PACRG: variants seen among roughly 807,000 people sequenced by gnomAD.
PACRG encodes the protein parkin coregulated.
In PACRG, 29 loss-of-function variants were observed where a neutral mutation model predicts 29.7. That is an observed-to-expected ratio of 0.98 (90% confidence interval 0.73 to 1.33). The LOEUF (loss-of-function observed/expected upper bound fraction) is 1.33. Among genes scored for constraint, PACRG ranks in the 40% most tolerant of loss-of-function variants. The pLI is 0.00. For missense variants in PACRG, 279 were observed against 316.2 expected, an observed-to-expected ratio of 0.88 and a Z score of 0.89; for synonymous variants, 116 against 118.7, an observed-to-expected ratio of 0.98 and a Z score of 0.15.
At chr6:162,931,830 A>G (rs965101333) in intron 2 of PACRG, among the ~76,000 whole-genome samples, 1 of 152,030 alleles carries the variant, frequency 6.6e-6, no homozygotes, top group Non-Finnish European at 1.5e-5. Context: ...TGGTACAACC[A>G]ATTTAGAGAA....
intron 4 of PACRG, among the ~76,000 whole-genome samples, chr6:163,184,450 T>A (rs535303301): frequency 6.6e-6 from 1 of 152,334 alleles, no homozygotes; most frequent in South Asian, 2.1e-4. Context: ...ATTTTCAGTG[T>A]CCAATTGGAA....
chr6:163,248,336 C>G (rs1320364362), intron 4 of PACRG, among the ~76,000 whole-genome samples: 1 of 150,900 alleles, frequency 6.6e-6, no homozygotes, highest in East Asian at 2.0e-4. Context: ...GATGACCATC[C>G]TTTACTGAAA....
chr6:163,102,702 TACCAACTAGATTTGCGAGTCC>T (rs151255546), intron 4 of PACRG, among the ~76,000 whole-genome samples: 5,839 of 152,316 alleles, frequency 0.038, 387 homozygotes, highest in African/African-American at 0.13. Flanking sequence ...TGAAGCTACC[TACCAACTAGATTTGCGAGTCC>T]ACCCAAATGT....
chr6:162,850,110 G>T (rs1316125654), intron 2 of PACRG, among the ~76,000 whole-genome samples: 1 of 152,134 alleles, frequency 6.6e-6, no homozygotes, highest in Non-Finnish European at 1.5e-5. Flanking sequence ...TTTTATTTGG[G>T]AATTTTACAG....
chr6:163,016,118 G>A (rs368509757), intron 2 of PACRG: 4 of 152,276 alleles, frequency 2.6e-5, no homozygotes, highest in African/African-American at 9.6e-5. Flanking sequence ...GAGACAAGAC[G>A]AGGTGTTCTC....
Position 162,832,243 on chromosome 6 carries a change from T to A in PACRG, c.291+17962T>A, listed in dbSNP as rs190569490. Among the ~76,000 whole-genome samples, 32 of 152,370 alleles carry A rather than the reference T, an allele frequency of 2.1e-4. No homozygotes were observed. In the East Asian group the frequency reaches 6.0e-3, roughly 28 times the overall value. On this transcript the variant is annotated intron_variant, in intron 2 of 4. Transcript: ENST00000366888. The stretch of plus-strand genomic sequence containing the variant: ...TATCTCATTGTGGTTTTGATTTGCA[T>A]TTCTCTAATGATCGTGATGATGATG...
At chr6:163,164,816 G>A (rs1324192818) in intron 4 of PACRG, among the ~76,000 whole-genome samples, 2 of 152,186 alleles carry the variant, frequency 1.3e-5, no homozygotes, top group South Asian at 4.1e-4. Flanking sequence ...TAGCTGAGTG[G>A]CCTTAGGCAA....
intron 4 of PACRG, among the ~76,000 whole-genome samples, chr6:163,115,671 G>A (rs1434592590): frequency 6.6e-6 from 1 of 152,158 alleles, no homozygotes; most frequent in African/African-American, 2.4e-5. Context: ...ATTGCAATGT[G>A]AAGTCAGCAT....
At chr6:162,900,468 T>C (rs1795483010) in intron 2 of PACRG, among the ~76,000 whole-genome samples, 1 of 152,194 alleles carries the variant, frequency 6.6e-6, no homozygotes, top group Admixed American at 6.5e-5. Context: ...GGTCTATGGA[T>C]ACTTCAGATA....
intron 4 of PACRG, among the ~76,000 whole-genome samples, chr6:163,143,364 G>A (rs73593788): frequency 0.015 from 2,226 of 152,254 alleles, 36 homozygotes; most frequent in African/African-American, 0.05. Context: ...GGTTTCCAAC[G>A]CATAAGTAGA....
intron 2 of PACRG, among the ~76,000 whole-genome samples, chr6:162,875,842 A>C (rs1048092451): frequency 6.6e-6 from 1 of 152,176 alleles, no homozygotes; most frequent in Non-Finnish European, 1.5e-5. Context: ...TTCCTCCAGT[A>C]TGATCTTCTA....
At chr6:162,801,465 G>T (rs1785866032) in intron 1 of PACRG, among the ~76,000 whole-genome samples, 2 of 150,080 alleles carry the variant, frequency 1.3e-5, no homozygotes, top group Non-Finnish European at 2.9e-5. Flanking sequence ...TCATAGCACC[G>T]ATTAGAAAAA....
chr6:163,166,410 G>T, intron 4 of PACRG: 1 of 320,052 alleles, frequency 3.1e-6, no homozygotes, highest in Non-Finnish European at 6.2e-6. Context: ...ACGAGGGGCA[G>T]ATTAAACTTT....
intron 2 of PACRG, among the ~76,000 whole-genome samples, chr6:162,859,010 C>T (rs1791634315): frequency 6.6e-6 from 1 of 152,174 alleles, no homozygotes; most frequent in South Asian, 2.1e-4. Context: ...AAACAGTACA[C>T]AAAGGTGCTA....
At chr6:163,012,456 A>G (rs1805700384) in intron 2 of PACRG, among the ~76,000 whole-genome samples, 1 of 152,240 alleles carries the variant, frequency 6.6e-6, no homozygotes. Flanking sequence ...AAGTAGGAAA[A>G]TCAATATGGA....
intron 1 of PACRG, among the ~76,000 whole-genome samples, chr6:162,737,866 T>C (rs1356089243): frequency 6.6e-6 from 1 of 152,100 alleles, no homozygotes; most frequent in Non-Finnish European, 1.5e-5. Flanking sequence ...TACATTTTCC[T>C]AATAAATATT....
chr6:162,884,477 T>C (rs1162926685), intron 2 of PACRG, among the ~76,000 whole-genome samples: 1 of 152,076 alleles, frequency 6.6e-6, no homozygotes, highest in African/African-American at 2.4e-5. Flanking sequence ...ACAAAGCAAA[T>C]TGGGTAAAAT....
At chr6:162,774,910 A>G (rs1416139277) in intron 1 of PACRG, among the ~76,000 whole-genome samples, 3 of 152,166 alleles carry the variant, frequency 2.0e-5, no homozygotes, top group South Asian at 4.1e-4. Flanking sequence ...CCTCTCACCT[A>G]TCTTTGTTTT....
chr6:163,194,175 C>G (rs1161308340), intron 4 of PACRG, among the ~76,000 whole-genome samples: 2 of 152,056 alleles, frequency 1.3e-5, no homozygotes, highest in African/African-American at 2.4e-5. Flanking sequence ...CAGATGAGGC[C>G]ATCTGTGATG....
Sources: allele counts gnomAD v4.1 joint callset (sites outside exome capture counted in the v4.1 genomes callset), GRCh38; gene constraint gnomAD v4.1.1; transcripts MANE v1.5; gene names NCBI Gene and HGNC (gene_info 2026-07-23, HGNC 2026-07-21).